Variants in KYAT3 observed in about 807,000 individuals in gnomAD.
The protein encoded by KYAT3 is kynurenine aminotransferase 3.
A neutral mutation model predicts 59.0 loss-of-function variants in KYAT3; 50 were observed. That is an observed-to-expected ratio of 0.85 (90% confidence interval 0.68 to 1.07). KYAT3 has a LOEUF of 1.07. Ranked by LOEUF, KYAT3 falls within the 50% of genes least tolerant of loss-of-function variation. The pLI, the probability that KYAT3 is intolerant of heterozygous loss-of-function variation, is 0.00. For synonymous variants in KYAT3, 148 were observed against 177.0 expected, an observed-to-expected ratio of 0.84 and a Z score of 1.30; for missense variants, 497 against 533.3, an observed-to-expected ratio of 0.93 and a Z score of 0.67.
Position 88,964,833 on chromosome 1 carries a change from T to C in KYAT3, c.449A>G (p.Asp150Gly). The change falls in exon 5 of 14, where the codon GAT (aspartate) becomes GGT (glycine). Residue 150 changes from aspartate to glycine, a missense_variant. Physicochemically the swap from Asp to Gly is moderately conservative, Grantham distance 94 (BLOSUM62 -1). Coordinates refer to ENST00000260508, the MANE Select transcript of KYAT3 (RefSeq NM_001008661.3). ...CGATAATGTTAATATACTTACTTCA[T>C]CTCCCTCATCAATTAATGCTTGAAT... is the stretch of plus-strand genomic sequence containing the variant. Reference protein sequence around the residue: ...NTIQALIDEGDEVILIVPFYD... With the variant: ...NTIQALIDEGGEVILIVPFYD... 1 of 1,588,930 alleles carries C rather than the reference T, an allele frequency of 6.3e-7. No individual in the cohort carries two copies. Among genetic ancestry groups the C allele is most frequent in the Non-Finnish European group, 8.6e-7 (1 of 1,169,436 alleles).
intron 2 of KYAT3, among the ~76,000 whole-genome samples, chr1:88,973,654 C>T (rs1258893773): frequency 1.3e-5 from 2 of 152,170 alleles, no homozygotes; most frequent in African/African-American, 2.4e-5. Context: ...TCAAAGGTAG[C>T]ATCTTTTAAC....
the KYAT3 span, among the ~76,000 whole-genome samples, chr1:88,928,584 G>A: frequency 8.7e-3 from 1,328 of 152,324 alleles, 17 homozygotes; most frequent in African/African-American, 0.03. Context: ...ATCACTGGAA[G>A]GCCCACTGCC....
intron 5 of KYAT3, among the ~76,000 whole-genome samples, chr1:88,963,774 A>G (rs1187542491): frequency 6.6e-6 from 1 of 152,270 alleles, no homozygotes; most frequent in Non-Finnish European, 1.5e-5. Context: ...AATAAATGAA[A>G]GAGGCAAAAA....
chr1:88,943,290 T>C (rs942665185), intron 12 of KYAT3, 60 bp downstream of exon 12: 1 of 1,124,306 alleles, frequency 8.9e-7, no homozygotes, highest in African/African-American at 1.6e-5. Flanking sequence ...TACCAGCAGA[T>C]TTCCTTCAAA....
chr1:88,976,781 G>A (rs1293430639), intron 2 of KYAT3, among the ~76,000 whole-genome samples: 1 of 151,804 alleles, frequency 6.6e-6, no homozygotes. Flanking sequence ...CCAGTTCATC[G>A]GTAGGTCTAG....
intron 10 of KYAT3, among the ~76,000 whole-genome samples, chr1:88,951,004 G>A (rs1258272478): frequency 6.6e-6 from 1 of 152,156 alleles, no homozygotes; most frequent in East Asian, 1.9e-4. Context: ...CAGCCAGGCT[G>A]TCTACCACTG....
the KYAT3 span, among the ~76,000 whole-genome samples, chr1:88,922,685 G>A: frequency 1.3e-5 from 2 of 152,054 alleles, no homozygotes; most frequent in Admixed American, 6.6e-5. Context: ...CCATAAAACC[G>A]GTCCCTGGTG....
At chr1:88,939,068 A>C (rs565007571) in intron 13 of KYAT3, among the ~76,000 whole-genome samples, 289 of 152,294 alleles carry the variant, frequency 1.9e-3, no homozygotes, top group African/African-American at 6.2e-3. Flanking sequence ...AATTTGTGAG[A>C]GTGTTTTATG....
chr1:88,958,863 G>T (rs892363527), intron 8 of KYAT3, among the ~76,000 whole-genome samples: 2 of 152,154 alleles, frequency 1.3e-5, no homozygotes, highest in African/African-American at 4.8e-5. Flanking sequence ...TACCACTAAA[G>T]TAAGTTTCAG....
chr1:88,982,454 C>A, intron 2 of KYAT3: 3 of 1,043,896 alleles, frequency 2.9e-6, no homozygotes, highest in Non-Finnish European at 2.7e-6. Context: ...AAAGCAATGT[C>A]ATAAAGTCAA....
intron 2 of KYAT3, chr1:88,982,822 G>A (rs1431608581): frequency 1.9e-6 from 3 of 1,613,978 alleles, no homozygotes; most frequent in Non-Finnish European, 1.7e-6. Flanking sequence ...CACAACTTGA[G>A]TAGAGATCAC....
the KYAT3 span, among the ~76,000 whole-genome samples, chr1:88,922,445 C>T: frequency 6.6e-6 from 1 of 152,174 alleles, no homozygotes; most frequent in Non-Finnish European, 1.5e-5. Context: ...CTGTTAGGAA[C>T]TGGGCTGCAC....
In KYAT3 at chr1:88,987,405, GAC is replaced by G. The variant is rs1203921121; in HGVS notation, c.99+845_99+846del. Reference sequence around the variant, plus strand: ...GAATTCATAAGATTTACATATAGAAGACACTGATGATGGTTTTTATGAAAATT... The same window carrying G: ...GAATTCATAAGATTTACATATAGAAGACTGATGATGGTTTTTATGAAAATT... On this transcript the variant is annotated intron_variant, in intron 2 of 13. Coordinates refer to ENST00000260508, the MANE Select transcript of KYAT3 (RefSeq NM_001008661.3). 2.0e-5 allele frequency among the ~76,000 whole-genome samples: 3 copies of G among 152,152 alleles called. No homozygotes were observed. In the East Asian group the frequency reaches 5.8e-4, roughly 29 times the overall value.
At chr1:88,957,505 A>C (rs1403751781) in intron 8 of KYAT3, among the ~76,000 whole-genome samples, 1 of 152,222 alleles carries the variant, frequency 6.6e-6, no homozygotes, top group Non-Finnish European at 1.5e-5. Context: ...CTTTAATGTA[A>C]CAAAGACTAT....
At chr1:88,967,133 G>A (rs945618518) in intron 4 of KYAT3, among the ~76,000 whole-genome samples, 3 of 151,714 alleles carry the variant, frequency 2.0e-5, no homozygotes, top group Non-Finnish European at 2.9e-5. Context: ...CATAATCTTT[G>A]TTTCTATGTT....
intron 11 of KYAT3, among the ~76,000 whole-genome samples, chr1:88,945,486 G>A (rs1168836467): frequency 2.0e-5 from 3 of 152,124 alleles, no homozygotes; most frequent in Non-Finnish European, 4.4e-5. Context: ...ATACTTATTA[G>A]TTGATTAACT....
intron 1 of KYAT3, among the ~76,000 whole-genome samples, chr1:88,989,367 C>G (rs1677649884): frequency 1.3e-5 from 2 of 152,098 alleles, no homozygotes; most frequent in South Asian, 4.2e-4. Context: ...AAGCAGAATT[C>G]AATCTTAAAA....
the KYAT3 span, among the ~76,000 whole-genome samples, chr1:88,924,024 G>A: frequency 6.6e-6 from 1 of 152,218 alleles, no homozygotes; most frequent in Non-Finnish European, 1.5e-5. Context: ...GAGTATTGGA[G>A]GTATAGGTTG....
In KYAT3 at chr1:88,961,492, T is replaced by C; in HGVS notation, c.555A>G (p.Gly185=). 1.9e-6 allele frequency: 3 copies of C among 1,611,518 alleles called. No individual in the cohort carries two copies. The highest frequency in any genetic ancestry group is 2.5e-6 in the Non-Finnish European group (3 of 1,178,616). The change falls in exon 7 of 14, where the codon GGA becomes GGG. Residue 185 remains glycine, a synonymous_variant. Transcript: ENST00000260508. The stretch of plus-strand genomic sequence containing the variant: ...TCCAGTCAGAACTAGACCATCTTTT[T>C]CCATAAACAGGTTTCTAAGCATGAA... ...FIPLRSKPVY[G]KRWSSSDWTL...
Sources: allele counts gnomAD v4.1 joint callset (sites outside exome capture counted in the v4.1 genomes callset), GRCh38; gene constraint gnomAD v4.1.1; transcripts MANE v1.5; gene names NCBI Gene and HGNC (gene_info 2026-07-23, HGNC 2026-07-21).